The following USP37 variants were observed in gnomAD, a reference collection of about 807,000 sequenced individuals.
The protein encoded by USP37 is ubiquitin carboxyl-terminal hydrolase 37.
In USP37, 27 loss-of-function variants were observed where a neutral mutation model predicts 124.0. That is an observed-to-expected ratio of 0.22 (90% confidence interval 0.16 to 0.30). USP37 has a LOEUF of 0.30. USP37 is among the 10% of genes least tolerant of loss of function. The pLI, the probability that USP37 is intolerant of heterozygous loss-of-function variation, is 1.00. For synonymous variants in USP37, 365 were observed against 388.0 expected (o/e 0.94, Z 0.70); for missense variants, 889 against 1,140.4 (o/e 0.78, Z 3.17).
intron 10 of USP37, among the ~76,000 whole-genome samples, chr2:218,513,956 C>T (rs1690139258): frequency 2.6e-5 from 4 of 151,946 alleles, no homozygotes; most frequent in Admixed American, 2.6e-4. Flanking sequence ...ATCACAGATG[C>T]ACATCACCAC....
At chr2:218,495,643 G>T in intron 14 of USP37, 117 bp downstream of exon 14, 1 of 1,172,670 alleles carries the variant, frequency 8.5e-7, no homozygotes, top group Non-Finnish European at 1.2e-6. Flanking sequence ...AGGCAACTGT[G>T]TGAGACCCTG....
intron 24 of USP37, among the ~76,000 whole-genome samples, 196 bp from the exon 25 acceptor site, chr2:218,455,914 C>T (rs1574828590): frequency 1.3e-5 from 2 of 151,972 alleles, no homozygotes; most frequent in South Asian, 4.2e-4. Context: ...GGCATGGTGG[C>T]GTGCGCCTGT....
chr2:218,486,041 C>T (rs1031155837), intron 15 of USP37: 1 of 289,092 alleles, frequency 3.5e-6, no homozygotes, highest in Admixed American at 5.0e-5. Context: ...CAGCCTTTTC[C>T]CCATGGACAC....
chr2:218,455,025 TAAAAC>T lies in USP37; in HGVS notation c.2853-13_2853-9del, dbSNP rs748475630. ...AGCTCATCAAAGATCTCCCTTAAGA[TAAAAC>T]AAGCAAAAAATAAAACTGGAAATTT... On this transcript the variant is annotated splice_polypyrimidine_tract_variant and intron_variant, in intron 25 of 25. Transcript: ENST00000258399. The T allele has an allele frequency of 1.2e-6, 2 of 1,611,546 alleles. No individual in the cohort carries two copies. The highest frequency in any genetic ancestry group is 1.3e-5 in the African/African-American group (1 of 74,744).
intron 10 of USP37, among the ~76,000 whole-genome samples, chr2:218,524,130 C>T (rs984545499): frequency 2.0e-5 from 3 of 152,162 alleles, no homozygotes; most frequent in Non-Finnish European, 2.9e-5. Flanking sequence ...CACTGTGTAT[C>T]ATTTTCAATG....
At chr2:218,566,087 A>T (rs1693580036) in intron 1 of USP37, among the ~76,000 whole-genome samples, 2 of 152,182 alleles carry the variant, frequency 1.3e-5, no homozygotes, top group African/African-American at 4.8e-5. Flanking sequence ...GTTCTGAGAA[A>T]TGATATAAAG....
At chr2:218,484,142 G>A (rs1419966730) in intron 16 of USP37, among the ~76,000 whole-genome samples, 3 of 151,952 alleles carry the variant, frequency 2.0e-5, no homozygotes, top group Non-Finnish European at 1.5e-5. Context: ...CTGGGCAACA[G>A]AACGAGACTC....
At chr2:218,536,484 C>T (rs1238189030) in intron 8 of USP37, among the ~76,000 whole-genome samples, 4 of 152,252 alleles carry the variant, frequency 2.6e-5, no homozygotes, top group East Asian at 1.9e-4. Context: ...CAAACAAGGC[C>T]GGGCGCTACA....
At chr2:218,467,357 A>AT (rs554049558) in intron 20 of USP37, among the ~76,000 whole-genome samples, 11 of 130,304 alleles carry the variant, frequency 8.4e-5, no homozygotes, top group South Asian at 4.9e-4. Flanking sequence ...CTATCTATCT[A>AT]TTTTTTTTTG....
chr2:218,529,036 C>T (rs1404260834), intron 10 of USP37, among the ~76,000 whole-genome samples: 1 of 152,054 alleles, frequency 6.6e-6, no homozygotes, highest in Admixed American at 6.6e-5. Context: ...GTATGTTCAT[C>T]CACATGGGAT....
chr2:218,530,524 T>C (rs1204438935), intron 9 of USP37, among the ~76,000 whole-genome samples: 1 of 152,184 alleles, frequency 6.6e-6, no homozygotes, highest in Non-Finnish European at 1.5e-5. Flanking sequence ...GTCTCTCTTC[T>C]TGGGCCTCCC....
chr2:218,471,336 G>A (rs536786484), intron 20 of USP37, among the ~76,000 whole-genome samples: 1 of 152,212 alleles, frequency 6.6e-6, no homozygotes, highest in Admixed American at 6.5e-5. Context: ...TCTGTAAGTG[G>A]GCAACCAAAA....
chr2:218,483,298 G>C (rs77949935), intron 16 of USP37, among the ~76,000 whole-genome samples: 53 of 138,354 alleles, frequency 3.8e-4, no homozygotes, highest in African/African-American at 1.7e-3. Context: ...AGTAAAAGGT[G>C]GGGGGGAAGG....
At chr2:218,532,415 G>A (rs1176706567) in intron 9 of USP37, among the ~76,000 whole-genome samples, 2 of 147,926 alleles carry the variant, frequency 1.4e-5, no homozygotes, top group East Asian at 2.0e-4. Flanking sequence ...GCAGTGAGCC[G>A]AGGATCGTGC....
At chr2:218,495,433 T>C (rs752847495) in intron 14 of USP37, among the ~76,000 whole-genome samples, 1 of 152,168 alleles carries the variant, frequency 6.6e-6, no homozygotes, top group Non-Finnish European at 1.5e-5. Context: ...TGAGCCACTG[T>C]GCCCAGCCCA....
intron 18 of USP37, among the ~76,000 whole-genome samples, chr2:218,479,244 G>T (rs915383679): frequency 6.6e-6 from 1 of 152,134 alleles, no homozygotes; most frequent in Non-Finnish European, 1.5e-5. Context: ...TTCCAGACTG[G>T]CTAACAACAG....
intron 10 of USP37, among the ~76,000 whole-genome samples, chr2:218,521,022 A>G (rs1385885309): frequency 2.0e-5 from 3 of 152,098 alleles, no homozygotes; most frequent in Admixed American, 6.6e-5. Context: ...TAGAGTCCTC[A>G]TGAGATCTGG....
intron 9 of USP37, 112 bp downstream of exon 9, chr2:218,534,497 T>C: frequency 2.0e-6 from 1 of 490,694 alleles, no homozygotes; most frequent in Non-Finnish European, 2.9e-6. Flanking sequence ...TCAAAAAATA[T>C]ATATAAATAA....
intron 6 of USP37, among the ~76,000 whole-genome samples, chr2:218,547,303 T>G (rs558698727): frequency 1.3e-5 from 2 of 152,280 alleles, no homozygotes; most frequent in African/African-American, 4.8e-5. Context: ...CAATCTAGCC[T>G]AGGCGACAGA....
Sources: allele counts gnomAD v4.1 joint callset (sites outside exome capture counted in the v4.1 genomes callset), GRCh38; gene constraint gnomAD v4.1.1; transcripts MANE v1.5; gene names NCBI Gene and HGNC (gene_info 2026-07-23, HGNC 2026-07-21).